Variants in LONP2 observed in about 807,000 individuals in gnomAD.
LONP2 encodes lon peptidase 2, peroxisomal.
In LONP2, 60 loss-of-function variants were observed where a neutral mutation model predicts 85.6. The ratio of observed to expected loss-of-function variants is 0.70; its 90% CI spans 0.57 to 0.87. LONP2 has a LOEUF of 0.87. LONP2 is among the 40% of genes least tolerant of loss of function. LONP2 has a pLI of 0.00. For synonymous variants in LONP2, 395 were observed against 389.7 expected, an observed-to-expected ratio of 1.01 and a Z score of -0.16; for missense variants, 860 against 1,063.5, an observed-to-expected ratio of 0.81 and a Z score of 2.66.
chr16:48,306,224 A>G (rs1972908802), intron 11 of LONP2, among the ~76,000 whole-genome samples: 1 of 152,240 alleles, frequency 6.6e-6, no homozygotes, highest in Admixed American at 6.5e-5. Flanking sequence ...TAAGATTTAG[A>G]TGATATATTT....
rs1297938100 is a variant in LONP2, at chr16:48,274,041, A to AT, written c.1242-3290dup. 2.6e-5 allele frequency among the ~76,000 whole-genome samples: 4 copies of AT among 152,116 alleles called. No individual in the cohort carries two copies. In the East Asian group the frequency reaches 5.8e-4, roughly 22 times the overall value. On this transcript the variant is annotated intron_variant, in intron 7 of 14. Coordinates refer to ENST00000285737, the MANE Select transcript of LONP2 (RefSeq NM_031490.5). Reference sequence around the variant, plus strand: ...AACTGAAGCAGCAAGCTTCTAATGTATTTTTTTAGCATAGTGTACCAGATA... The same window carrying AT: ...AACTGAAGCAGCAAGCTTCTAATGTATTTTTTTTAGCATAGTGTACCAGATA...
Position 48,258,355 on chromosome 16 carries a change from A to AG in LONP2, c.601-263_601-262insG, listed in dbSNP as rs553866136. Among the ~76,000 whole-genome samples the AG allele has an allele frequency of 5.4e-3, 806 of 149,952 alleles. 6 individuals are homozygous for AG. Among genetic ancestry groups the AG allele is most frequent in the African/African-American group, 0.019 (757 of 39,564 alleles). On this transcript the variant is annotated intron_variant, in intron 3 of 14. Transcript: ENST00000285737. ...AGCAAGATTCCGTCTCAAAAAAAAA[A>AG]AGAAAAAAAAAAACCACACAGCTTC...
At chr16:48,282,692 C>T (rs1596943501) in intron 8 of LONP2, among the ~76,000 whole-genome samples, 1 of 152,234 alleles carries the variant, frequency 6.6e-6, no homozygotes, top group East Asian at 1.9e-4. Flanking sequence ...GCTCAACTGG[C>T]CAGGCATTCC....
intron 14 of LONP2, among the ~76,000 whole-genome samples, chr16:48,348,920 G>A (rs546169065): frequency 1.5e-3 from 222 of 152,282 alleles, no homozygotes; most frequent in African/African-American, 5.0e-3. Flanking sequence ...TAGCACATGT[G>A]CAAAATGGGA....
chr16:48,354,066 G>T lies in LONP2; in HGVS notation c.*2264G>T, dbSNP rs1267580361. The T allele has an allele frequency of 4.1e-5, 2 of 48,690 alleles. No individual in the cohort carries two copies. The highest frequency in any genetic ancestry group is 2.0e-4 in the African/African-American group (2 of 10,192). 3.0% of individuals were successfully genotyped at this position (48,690 alleles called of 1,614,324 possible). On this transcript the variant is annotated 3_prime_UTR_variant, in exon 15 of 15. Coordinates refer to ENST00000285737, the MANE Select transcript of LONP2 (RefSeq NM_031490.5). ...GTCTAAGCTCTTCCTTTTTCACCTGGGTTTTTTTTTTTTGGGGGGGGTGGG... is the reference window on the plus strand; with the variant it reads ...GTCTAAGCTCTTCCTTTTTCACCTGTGTTTTTTTTTTTTGGGGGGGGTGGG...
chr16:48,303,168 ACAGGTATAC>A lies in LONP2; in HGVS notation c.1662_1670del (p.Tyr555_Arg557del). ...AAAAATAAAATATTTTTGTTTGATGACAGGTATACCAGAGAGGCAGGGGTTCGTTCTCTG... is the reference window on the plus strand; with the variant it reads ...AAAAATAAAATATTTTTGTTTGATGACAGAGAGGCAGGGGTTCGTTCTCTG... On this transcript the variant is annotated splice_acceptor_variant and splice_polypyrimidine_tract_variant and coding_sequence_variant and intron_variant, in exon 11 of 15. Coordinates refer to ENST00000285737, the MANE Select transcript of LONP2 (RefSeq NM_031490.5). LOFTEE classifies it high-confidence loss of function. 3.1e-6 allele frequency: 5 copies of A among 1,613,654 alleles called. No individual in the cohort carries two copies. Among genetic ancestry groups the A allele is most frequent in the Non-Finnish European group, 4.2e-6 (5 of 1,179,730 alleles).
chr16:48,244,492 C>T lies in LONP2; in HGVS notation c.104C>T (p.Ser35Leu), dbSNP rs777027411. The change falls in exon 1 of 15, where the codon TCG (serine) becomes TTG (leucine). Residue 35 changes from serine (S) to leucine (L), a missense_variant. Around this residue, in one of 3 missense-constraint regions of LONP2, gnomAD observed 743 missense variants for 917.3 expected, o/e 0.81. Coordinates refer to ENST00000285737, the MANE Select transcript of LONP2 (RefSeq NM_031490.5). ...TCCACCATGCGCACCAGCGTGGACTCGGCCCGCAACCTGCAGCTGGTGCGG... is the reference window on the plus strand; with the variant it reads ...TCCACCATGCGCACCAGCGTGGACTTGGCCCGCAACCTGCAGCTGGTGCGG... ...PGSTMRTSVD[S>L]ARNLQLVRSR... 8.8e-6 allele frequency: 14 copies of T among 1,598,994 alleles called. No individual in the cohort carries two copies. Among genetic ancestry groups the T allele is most frequent in the Non-Finnish European group, 1.2e-5 (14 of 1,176,570 alleles).
intron 11 of LONP2, among the ~76,000 whole-genome samples, chr16:48,316,607 A>G (rs2151012133): frequency 6.6e-6 from 1 of 152,168 alleles, no homozygotes; most frequent in East Asian, 1.9e-4. Context: ...GATTACAGGC[A>G]TGGGCCACCA....
At chr16:48,256,200 T>C (rs1457490012) in intron 2 of LONP2, among the ~76,000 whole-genome samples, 3 of 152,302 alleles carry the variant, frequency 2.0e-5, no homozygotes, top group Middle Eastern at 6.8e-3. Flanking sequence ...TGTGTGAGTG[T>C]GGAGAGAGAG....
At chr16:48,286,022 A>T (rs187567329) in intron 8 of LONP2, among the ~76,000 whole-genome samples, 1 of 152,106 alleles carries the variant, frequency 6.6e-6, no homozygotes, top group East Asian at 1.9e-4. Context: ...TATACCTCAT[A>T]TAAGTGCATC....
intron 12 of LONP2, among the ~76,000 whole-genome samples, chr16:48,340,643 A>T (rs1959783276): frequency 6.6e-6 from 1 of 152,222 alleles, no homozygotes; most frequent in South Asian, 2.1e-4. Context: ...ATGATGGATT[A>T]GTTCATTCTT....
chr16:48,310,767 T>C (rs902463052), intron 11 of LONP2, among the ~76,000 whole-genome samples: 6 of 152,060 alleles, frequency 3.9e-5, no homozygotes, highest in African/African-American at 7.3e-5. Flanking sequence ...TCATAAAACT[T>C]GTGAGTTTCA....
chr16:48,245,275 C>T (rs907778988), intron 1 of LONP2, among the ~76,000 whole-genome samples: 4 of 152,152 alleles, frequency 2.6e-5, no homozygotes, highest in African/African-American at 7.2e-5. Context: ...CACCTCTGCT[C>T]CTTCACTCAT....
At chr16:48,344,203 A>T (rs8055028) in intron 12 of LONP2, 2 of 152,034 alleles carry the variant, frequency 1.3e-5, no homozygotes, top group Non-Finnish European at 2.9e-5. Context: ...TGTACTTCAT[A>T]ATTTCTGAGG....
chr16:48,275,598 G>A (rs897419328), intron 7 of LONP2, among the ~76,000 whole-genome samples: 6 of 152,094 alleles, frequency 3.9e-5, no homozygotes, highest in Non-Finnish European at 8.8e-5. Flanking sequence ...AGAATTGTTG[G>A]GATTTACGTA....
In LONP2 at chr16:48,299,717, G is replaced by A; in HGVS notation, c.1590G>A (p.Gln530=). The change falls in exon 10 of 15, where the codon CAG becomes CAA. Residue 530 remains glutamine (Q), a synonymous_variant. Coordinates refer to ENST00000285737, the MANE Select transcript of LONP2 (RefSeq NM_031490.5). ...EIAHRHLIPK[Q]LEQHGLTPQQ... is the part of the protein sequence containing the mutation. ...CCCATAGGCACTTGATCCCCAAGCA[G>A]CTGGAACAACATGGGCTGACTCCAC... The A allele has an allele frequency of 1.9e-6, 3 of 1,614,062 alleles. No individual in the cohort carries two copies. The highest frequency in any genetic ancestry group is 2.5e-6 in the Non-Finnish European group (3 of 1,179,954).
chr16:48,345,118 G>A (rs1959921796), intron 12 of LONP2: 1 of 152,314 alleles, frequency 6.6e-6, no homozygotes, highest in Admixed American at 6.6e-5. Flanking sequence ...CTACTTGGGA[G>A]GCTGAGGCAA....
chr16:48,263,511 C>A (rs1285109689), intron 6 of LONP2, among the ~76,000 whole-genome samples: 8 of 152,204 alleles, frequency 5.3e-5, no homozygotes. Flanking sequence ...AGAGGTCCAT[C>A]CATGTTGTCA....
chr16:48,276,745 C>G (rs1034295299), intron 7 of LONP2, among the ~76,000 whole-genome samples: 1 of 152,160 alleles, frequency 6.6e-6, no homozygotes, highest in Admixed American at 6.6e-5. Flanking sequence ...TAATGGAATT[C>G]TGATATAAAT....
Sources: allele counts gnomAD v4.1 joint callset (sites outside exome capture counted in the v4.1 genomes callset), GRCh38; gene constraint gnomAD v4.1.1; regional missense constraint gnomAD v4.1.1; transcripts MANE v1.5; gene names NCBI Gene and HGNC (gene_info 2026-07-23, HGNC 2026-07-21).